DGKD: variants seen among roughly 807,000 people sequenced by gnomAD.
DGKD encodes DAG kinase delta.
Under a neutral mutation model 154.4 loss-of-function variants are expected in DGKD, and 68 were observed. The ratio of observed to expected loss-of-function variants is 0.44; its 90% CI spans 0.36 to 0.54. The LOEUF (loss-of-function observed/expected upper bound fraction) is 0.54, where lower values mean the gene tolerates loss of function less well. Among genes scored for constraint, DGKD ranks in the 20% least tolerant of loss-of-function variants. The probability of loss-of-function intolerance (pLI) is 0.00; values close to 1 mark genes in which losing one functional copy is unlikely to be tolerated. For missense variants in DGKD, 1,343 were observed against 1,593.6 expected, an observed-to-expected ratio of 0.84 and a Z score of 2.68; for synonymous variants, 693 against 638.0, an observed-to-expected ratio of 1.09 and a Z score of -1.30.
chr2:233,459,653 A>T lies in DGKD; in HGVS notation c.2695-104A>T. 1 of 1,463,008 alleles carries T rather than the reference A, an allele frequency of 6.8e-7. No individual in the cohort carries two copies. The highest frequency in any genetic ancestry group is 1.3e-5 in the South Asian group (1 of 75,472). The allele number at this position is 1,463,008 out of a possible 1,614,324, so 90.6% of individuals were successfully genotyped here. ...GCAGAGGTGGGGTGTCCTGCAAGGC[A>T]GGGACGGGTGTGTGGAGCAGGAAGG... On this transcript the variant is annotated intron_variant, in intron 22 of 29. Coordinates refer to ENST00000264057, the MANE Select transcript of DGKD (RefSeq NM_152879.3). This position sits in a 1 kb window ranked among gnomAD's most constrained non-coding sequence, Gnocchi z 5.7.
rs200577132 is a variant in DGKD at position 233,451,095 on chromosome 2, A to G, written c.2167+45A>G. ...AGGGACTGGTGGGGGCCCTAGCACA[A>G]CACTGGTCCCGTCAAACTGAAAGAG... On this transcript the variant is annotated intron_variant, in intron 17 of 29. Coordinates refer to ENST00000264057, the MANE Select transcript of DGKD (RefSeq NM_152879.3). 50 of 1,574,596 alleles carry G rather than the reference A, an allele frequency of 3.2e-5. No homozygotes were observed. In the East Asian group the frequency reaches 1.1e-3, roughly 34 times the overall value.
At chr2:233,394,368 A>G (rs998806046) in intron 3 of DGKD, among the ~76,000 whole-genome samples, 1 of 151,332 alleles carries the variant, frequency 6.6e-6, no homozygotes, top group Non-Finnish European at 1.5e-5. Context: ...TCAGCCTCCC[A>G]GTTAGCTGGG....
Position 233,454,810 on chromosome 2 carries a change from G to C in DGKD, c.2312G>C (p.Gly771Ala). 1 of 1,614,044 alleles carries C rather than the reference G, an allele frequency of 6.2e-7. No individual in the cohort carries two copies. The highest frequency in any genetic ancestry group is 8.5e-7 in the Non-Finnish European group (1 of 1,179,942). ...GTCATGAACAACTATTTTGGCATTG[G>C]CCTGGATGCGAAGATATCCCTGGAC... is the stretch of plus-strand genomic sequence containing the variant. Reference protein sequence around the residue: ...KCVMNNYFGIGLDAKISLDFN... With the variant: ...KCVMNNYFGIALDAKISLDFN... Residue 771 changes from glycine to alanine, a missense_variant, in exon 19 of 30, where the codon GGC becomes GCC. Physicochemically the swap from Gly to Ala is moderately conservative, Grantham distance 60. Transcript: ENST00000264057.
chr2:233,442,265 C>A, intron 10 of DGKD: 1 of 586,530 alleles, frequency 1.7e-6, no homozygotes, highest in South Asian at 1.6e-5. Context: ...AAAGGACCCA[C>A]ATGGGGAGCA....
In DGKD at chr2:233,457,111, G is replaced by C; in HGVS notation, c.2473-110G>C. 1.5e-6 allele frequency: 2 copies of C among 1,299,354 alleles called. No individual in the cohort carries two copies. The highest frequency in any genetic ancestry group is 2.2e-6 in the Non-Finnish European group (2 of 904,874). The allele number at this position is 1,299,354 out of a possible 1,614,324, so 80.5% of individuals were successfully genotyped here. On this transcript the variant is annotated intron_variant, in intron 20 of 29. Coordinates refer to ENST00000264057, the MANE Select transcript of DGKD (RefSeq NM_152879.3). The surrounding 1 kb of genome is among the most constrained non-coding windows in gnomAD (Gnocchi z 5.5). Reference sequence around the variant, plus strand: ...CATGCACAGGGACTTGCCTGGGGATGCCCTGGCCACGGCTGTGCTCCTGAG... The same window carrying C: ...CATGCACAGGGACTTGCCTGGGGATCCCCTGGCCACGGCTGTGCTCCTGAG...
rs190638938 is a variant in DGKD, at chr2:233,440,702, C to T, written c.1086-1185C>T. ...TGGCACCTGCCGTCAGGGAGGGCTG[C>T]GGGTGCTGGCCAAGAGGTTCGACTC... On this transcript the variant is annotated intron_variant, in intron 9 of 29. Transcript: ENST00000264057. The surrounding 1 kb of genome is among the most constrained non-coding windows in gnomAD (Gnocchi z 4.9). Among the ~76,000 whole-genome samples, 16 of 152,246 alleles carry T rather than the reference C, an allele frequency of 1.1e-4. No homozygotes were observed. The highest frequency in any genetic ancestry group is 1.9e-4 in the Non-Finnish European group (13 of 68,010).
chr2:233,412,887 ATTGG>A (rs2061862172), intron 3 of DGKD, among the ~76,000 whole-genome samples: 1 of 152,184 alleles, frequency 6.6e-6, no homozygotes, highest in East Asian at 1.9e-4. Flanking sequence ...GGCAAATTAA[ATTGG>A]TTGATTTTCA....
chr2:233,392,338 T>G (rs1302166000), intron 3 of DGKD: 1 of 152,202 alleles, frequency 6.6e-6, no homozygotes, highest in Non-Finnish European at 1.5e-5. Flanking sequence ...GGCATTAATT[T>G]AGATGTTCAT....
At chr2:233,391,633 A>G (rs1432129034) in intron 3 of DGKD, among the ~76,000 whole-genome samples, 2 of 152,256 alleles carry the variant, frequency 1.3e-5, no homozygotes, top group East Asian at 1.9e-4. Context: ...CATGTAGACA[A>G]AAAGTGTGTA....
chr2:233,451,925 C>T (rs551076133), intron 17 of DGKD, 39 bp from the exon 18 acceptor site: 3 of 1,584,808 alleles, frequency 1.9e-6, no homozygotes, highest in Admixed American at 1.7e-5. Flanking sequence ...GGCTGTAGCT[C>T]CTGACCAGCA....
intron 28 of DGKD, among the ~76,000 whole-genome samples, chr2:233,467,862 G>T (rs1463509040): frequency 1.3e-5 from 2 of 152,182 alleles, no homozygotes; most frequent in African/African-American, 2.4e-5. Flanking sequence ...CAGAAATGGG[G>T]TTTCTGTTAA....
At chr2:233,404,842 G>T (rs2061645111) in intron 3 of DGKD, among the ~76,000 whole-genome samples, 1 of 152,150 alleles carries the variant, frequency 6.6e-6, no homozygotes, top group Non-Finnish European at 1.5e-5. Flanking sequence ...GAATGAGGTT[G>T]GGTGGAGGGT....
intron 27 of DGKD, 96 bp downstream of exon 27, chr2:233,464,379 A>G: frequency 6.6e-7 from 1 of 1,513,656 alleles, no homozygotes; most frequent in African/African-American, 1.4e-5. Context: ...CTCTGGGATC[A>G]AGATCGTGTC....
rs79883647 is a variant in DGKD at position 233,466,009 on chromosome 2, T to C, written c.3307-1077T>C. On this transcript the variant is annotated intron_variant, in intron 27 of 29. Coordinates refer to ENST00000264057, the MANE Select transcript of DGKD (RefSeq NM_152879.3). ...TTGGTAAAATACAATAATTGTTATGTATAGTCATCAACTTATGACAGTTAT... is the reference window on the plus strand; with the variant it reads ...TTGGTAAAATACAATAATTGTTATGCATAGTCATCAACTTATGACAGTTAT... Among the ~76,000 whole-genome samples the C allele has an allele frequency of 7.9e-5, 12 of 152,322 alleles. No individual in the cohort carries two copies. The East Asian group carries it at 2.3e-3, about 29-fold the overall frequency.
Position 233,457,108 on chromosome 2 carries a change from G to A in DGKD, c.2472+113G>A. 7.6e-7 allele frequency: 1 copy of A among 1,308,842 alleles called. No homozygotes were observed. Among genetic ancestry groups the A allele is most frequent in the Non-Finnish European group, 1.1e-6 (1 of 912,480 alleles). The allele number at this position is 1,308,842 out of a possible 1,614,324, so 81.1% of individuals were successfully genotyped here. ...CTCCATGCACAGGGACTTGCCTGGGGATGCCCTGGCCACGGCTGTGCTCCT... is the reference window on the plus strand; with the variant it reads ...CTCCATGCACAGGGACTTGCCTGGGAATGCCCTGGCCACGGCTGTGCTCCT... On this transcript the variant is annotated intron_variant, in intron 20 of 29. Coordinates refer to ENST00000264057, the MANE Select transcript of DGKD (RefSeq NM_152879.3). This position sits in a 1 kb window ranked among gnomAD's most constrained non-coding sequence, Gnocchi z 5.5.
At chr2:233,433,365 A>C (rs1271354845) in intron 3 of DGKD, among the ~76,000 whole-genome samples, 1 of 152,156 alleles carries the variant, frequency 6.6e-6, no homozygotes, top group East Asian at 1.9e-4. Flanking sequence ...ACATGTTCTT[A>C]TTTGTGGGAG....
rs187989067 is a variant in DGKD at position 233,380,235 on chromosome 2, G to T, written c.157-8022G>T. Reference sequence around the variant, plus strand: ...ATATTAACTAAAGAGGAAACGTGGGGGTCAGTGAACAGTGAGATGAGGTAC... The same window carrying T: ...ATATTAACTAAAGAGGAAACGTGGGTGTCAGTGAACAGTGAGATGAGGTAC... On this transcript the variant is annotated intron_variant, in intron 1 of 29. Coordinates refer to ENST00000264057, the MANE Select transcript of DGKD (RefSeq NM_152879.3). Among the ~76,000 whole-genome samples the T allele has an allele frequency of 1.8e-3, 281 of 152,302 alleles. 3 individuals carry two copies. The highest frequency in any genetic ancestry group is 6.2e-3 in the African/African-American group (258 of 41,552).
In DGKD at chr2:233,370,567, C is replaced by CTTTTT. The variant is rs201017453; in HGVS notation, c.156+15895_156+15896insTTTTT. Among the ~76,000 whole-genome samples, 169 of 114,240 alleles carry CTTTTT rather than the reference C, an allele frequency of 1.5e-3. 1 individual carries two copies. Among genetic ancestry groups the CTTTTT allele is most frequent in the African/African-American group, 3.1e-3 (87 of 27,756 alleles). 74.9% of individuals were successfully genotyped at this position (114,240 alleles called of 152,430 possible). Reference sequence around the variant, plus strand: ...ATTTACGTTGTACGTTTCAGAACTTCTTCTTTTTTTTTTTTTTTTTTTGTT... The same window carrying CTTTTT: ...ATTTACGTTGTACGTTTCAGAACTTCTTTTTTTCTTTTTTTTTTTTTTTTTTTGTT... On this transcript the variant is annotated intron_variant, in intron 1 of 29. Coordinates refer to ENST00000264057, the MANE Select transcript of DGKD (RefSeq NM_152879.3).
chr2:233,424,219 T>C (rs138487784), intron 3 of DGKD, among the ~76,000 whole-genome samples: 59 of 152,218 alleles, frequency 3.9e-4, no homozygotes, highest in Non-Finnish European at 6.2e-4. Flanking sequence ...TGCTGGACTT[T>C]GATCTTTTTT....
Sources: gnomAD v4.1 joint callset for allele counts (sites outside exome capture counted in the v4.1 genomes callset) on GRCh38, gnomAD v4.1.1 for gene constraint, Gnocchi (gnomAD v3.1) non-coding constraint, MANE v1.5 for transcripts, NCBI Gene and HGNC (gene_info 2026-07-23, HGNC 2026-07-21) for gene names.